KCNK10: variants seen among roughly 807,000 people sequenced by gnomAD.
KCNK10 encodes potassium two pore domain channel subfamily K member 10, also known as potassium channel subfamily K member 10.
A neutral mutation model predicts 47.7 loss-of-function variants in KCNK10; 25 were observed. The ratio of observed to expected loss-of-function variants is 0.52; its 90% confidence interval spans 0.38 to 0.73. KCNK10 has a LOEUF of 0.73. Ranked by LOEUF, KCNK10 falls within the 30% of genes least tolerant of loss-of-function variation. The pLI is 0.00. For missense variants in KCNK10, 563 were observed against 714.5 expected, an observed-to-expected ratio of 0.79 and a Z score of 2.42; for synonymous variants, 303 against 285.6, an observed-to-expected ratio of 1.06 and a Z score of -0.61.
intron 4 of KCNK10, among the ~76,000 whole-genome samples, chr14:88,215,106 TA>T (rs1885577500): frequency 6.6e-6 from 1 of 152,100 alleles, no homozygotes; most frequent in African/African-American, 2.4e-5. Flanking sequence ...TTTGGCAGGG[TA>T]ACTTACTGTA....
intron 4 of KCNK10, among the ~76,000 whole-genome samples, chr14:88,205,924 T>C (rs12897301): frequency 0.21 from 32,019 of 152,096 alleles, 4,466 homozygotes; most frequent in Non-Finnish European, 0.31. Context: ...AAATATTCTA[T>C]AAAAACAATA....
chr14:88,305,151 A>G (rs1294527105), intron 1 of KCNK10, among the ~76,000 whole-genome samples: 1 of 152,014 alleles, frequency 6.6e-6, no homozygotes, highest in African/African-American at 2.4e-5. Context: ...GTGAGCCAAG[A>G]TCGCGCCACT....
At chr14:88,196,866 T>TCCAAGAACC (rs1443028628) in intron 4 of KCNK10, among the ~76,000 whole-genome samples, 2 of 152,236 alleles carry the variant, frequency 1.3e-5, no homozygotes, top group Non-Finnish European at 2.9e-5. Flanking sequence ...CAAGATTTAT[T>TCCAAGAACC]TTAGAAGGTT....
chr14:88,257,914 C>T (rs186328586), intron 2 of KCNK10, among the ~76,000 whole-genome samples: 309 of 152,168 alleles, frequency 2.0e-3, no homozygotes, highest in Admixed American at 6.7e-3. Flanking sequence ...GAGGGGGGGT[C>T]TATGCTGTGC....
chr14:88,324,159 G>A (rs1888614126), upstream of KCNK10, among the ~76,000 whole-genome samples: 1 of 152,246 alleles, frequency 6.6e-6, no homozygotes, highest in Non-Finnish European at 1.5e-5. Context: ...GGGATCCTGG[G>A]ACCAGCAGGG....
intron 3 of KCNK10, among the ~76,000 whole-genome samples, chr14:88,228,968 A>G (rs7140296): frequency 0.29 from 43,875 of 152,030 alleles, 6,992 homozygotes; most frequent in East Asian, 0.47. Flanking sequence ...TAGAATGGTC[A>G]AGCTGACATT....
intron 4 of KCNK10, among the ~76,000 whole-genome samples, chr14:88,220,225 G>A (rs1020335060): frequency 9.3e-5 from 14 of 151,314 alleles, no homozygotes; most frequent in East Asian, 3.9e-4. Flanking sequence ...AGACCATCCC[G>A]GCTAAAACGG....
intron 6 of KCNK10, among the ~76,000 whole-genome samples, chr14:88,187,633 A>C (rs55968259): frequency 0.34 from 44,250 of 131,908 alleles, 6,772 homozygotes; most frequent in African/African-American, 0.36. Context: ...GCACCCCCCC[A>C]CACACACACT....
At chr14:88,205,606 G>A (rs375548613) in intron 4 of KCNK10, among the ~76,000 whole-genome samples, 5 of 144,604 alleles carry the variant, frequency 3.5e-5, no homozygotes, top group African/African-American at 5.1e-5. Flanking sequence ...GTGCAATGGC[G>A]TGACCTCGGC....
At chr14:88,289,336 C>A (rs917245691) in intron 1 of KCNK10, among the ~76,000 whole-genome samples, 1 of 152,212 alleles carries the variant, frequency 6.6e-6, no homozygotes, top group Non-Finnish European at 1.5e-5. Flanking sequence ...CACAGTTCCT[C>A]AGGCTGAAGC....
intron 1 of KCNK10, among the ~76,000 whole-genome samples, chr14:88,293,772 C>T (rs1247315027): frequency 1.3e-5 from 2 of 151,924 alleles, no homozygotes; most frequent in African/African-American, 4.8e-5. Context: ...AACTCCTGGG[C>T]TGAAGCGATC....
At chr14:88,319,755 C>A (rs1404114306) in intron 1 of KCNK10, among the ~76,000 whole-genome samples, 1 of 152,084 alleles carries the variant, frequency 6.6e-6, no homozygotes, top group African/African-American at 2.4e-5. Flanking sequence ...GGGAACCTTA[C>A]CAGGCAAAAG....
intron 4 of KCNK10, 82 bp downstream of exon 4, chr14:88,227,293 C>T: frequency 9.0e-7 from 1 of 1,114,260 alleles, no homozygotes; most frequent in Non-Finnish European, 1.3e-6. Flanking sequence ...AGACAATGCC[C>T]CTGATACTGC....
chr14:88,206,078 T>G (rs1234141232), intron 4 of KCNK10, among the ~76,000 whole-genome samples: 1 of 152,168 alleles, frequency 6.6e-6, no homozygotes, highest in Non-Finnish European at 1.5e-5. Context: ...GAACTGAATA[T>G]TAATGGCATG....
Position 88,307,994 on chromosome 14 carries a change from G to A in KCNK10, c.52+14753C>T, listed in dbSNP as rs1165989347. Among the ~76,000 whole-genome samples the A allele has an allele frequency of 3.3e-5, 5 of 152,204 alleles. No individual in the cohort carries two copies. In the East Asian group the frequency reaches 9.7e-4, roughly 29 times the overall value. ...TTTATCATTTCCGGTTCTCAAGTTG[G>A]GAAGCAGACACAGAGAGGTAAGTTA... On this transcript the variant is annotated intron_variant, in intron 1 of 6. Coordinates refer to ENST00000319231, the MANE Select transcript of KCNK10 (RefSeq NM_138317.3).
intron 4 of KCNK10, among the ~76,000 whole-genome samples, chr14:88,208,561 T>G (rs1456039598): frequency 6.6e-6 from 1 of 152,180 alleles, no homozygotes; most frequent in African/African-American, 2.4e-5. Flanking sequence ...GGTAATAACA[T>G]TGCAAGAATA....
chr14:88,213,480 A>C (rs532072002), intron 4 of KCNK10, among the ~76,000 whole-genome samples: 17 of 152,346 alleles, frequency 1.1e-4, no homozygotes, highest in Admixed American at 2.0e-4. Flanking sequence ...TTGCTAATAG[A>C]ATTCTTGCAT....
chr14:88,198,324 T>A (rs969725864), intron 4 of KCNK10, among the ~76,000 whole-genome samples: 1 of 152,180 alleles, frequency 6.6e-6, no homozygotes, highest in Non-Finnish European at 1.5e-5. Context: ...ATGGGACACC[T>A]GCTGATGAGC....
intron 4 of KCNK10, among the ~76,000 whole-genome samples, chr14:88,201,575 G>A (rs61975811): frequency 0.22 from 32,981 of 151,842 alleles, 4,665 homozygotes; most frequent in Non-Finnish European, 0.31. Flanking sequence ...CAGGGGAATC[G>A]CTTGAACCCG....
Sources: gnomAD v4.1 joint callset for allele counts (sites outside exome capture counted in the v4.1 genomes callset) on GRCh38, gnomAD v4.1.1 for gene constraint, MANE v1.5 for transcripts, NCBI Gene and HGNC (gene_info 2026-07-23, HGNC 2026-07-21) for gene names.